The following FAM171A1 variants were observed in gnomAD, a reference collection of about 807,000 sequenced individuals.
FAM171A1 encodes family with sequence similarity 171 member A1.
A neutral mutation model predicts 74.9 loss-of-function variants in FAM171A1; 23 were observed. The observed-to-expected ratio is 0.31, with a 90% CI of 0.22 to 0.44. The LOEUF is 0.44. FAM171A1 is among the 20% of genes least tolerant of loss of function. The probability of loss-of-function intolerance (pLI) is 1.00; values close to 1 mark genes in which losing one functional copy is unlikely to be tolerated. For synonymous variants in FAM171A1, 527 were observed against 505.7 expected (o/e 1.04, Z -0.57); for missense variants, 1,162 against 1,159.2 (o/e 1.00, Z -0.03).
intron 6 of FAM171A1, among the ~76,000 whole-genome samples, chr10:15,218,533 G>A (rs1187217578): frequency 3.3e-5 from 5 of 152,116 alleles, no homozygotes; most frequent in African/African-American, 1.2e-4. Context: ...TAATAAAGGT[G>A]GGTTGTGAGA....
At chr10:15,313,710 C>T (rs1338902672) in intron 1 of FAM171A1, among the ~76,000 whole-genome samples, 2 of 152,082 alleles carry the variant, frequency 1.3e-5, no homozygotes, top group Admixed American at 6.5e-5. Flanking sequence ...ATAAACATCC[C>T]GAGGGTGAAG....
intron 1 of FAM171A1, among the ~76,000 whole-genome samples, chr10:15,331,875 G>A (rs60680727): frequency 0.68 from 28,319 of 41,794 alleles, 7,856 homozygotes; most frequent in East Asian, 0.79. Context: ...ATATGTGTGT[G>A]TATACATATA....
chr10:15,254,729 T>C lies in FAM171A1; in HGVS notation c.569A>G (p.Asn190Ser), dbSNP rs1834554558. 6.2e-6 allele frequency: 10 copies of C among 1,613,882 alleles called. No homozygotes were observed. The highest frequency in any genetic ancestry group is 8.5e-6 in the Non-Finnish European group (10 of 1,179,894). Residue 190 changes from asparagine to serine, a missense_variant, in exon 4 of 8, where the codon AAT becomes AGT. Transcript: ENST00000378116. The stretch of plus-strand genomic sequence containing the variant: ...GAAAAGACTCCAATTACCTGTTCCA[T>C]TTCCGTCTAATCCTCGCAAATAAGG... ...SFPYLRGLDG[N>S]GTGNSTRHDL...
intron 5 of FAM171A1, among the ~76,000 whole-genome samples, chr10:15,236,127 A>G (rs1834285541): frequency 2.0e-5 from 3 of 152,172 alleles, no homozygotes; most frequent in Admixed American, 2.0e-4. Flanking sequence ...CCAAACAATG[A>G]TGTTTCCAAA....
rs1833938309 is a variant in FAM171A1 at position 15,214,324 on chromosome 10, A to G, written c.1264T>C (p.Ser422Pro). 1.2e-6 allele frequency: 2 copies of G among 1,612,632 alleles called. No individual in the cohort carries two copies. The highest frequency in any genetic ancestry group is 1.7e-5 in the Admixed American group (1 of 59,744). The change falls in exon 8 of 8, where the codon TCC becomes CCC. Residue 422 changes from serine (S) to proline (P), a missense_variant. By Grantham distance (74) the Ser-to-Pro change is moderately conservative (BLOSUM62 -1). Coordinates refer to ENST00000378116, the MANE Select transcript of FAM171A1 (RefSeq NM_001010924.2). ...TPMLKLSYST[S>P]QEFSSREELL... ...TCCTCCCGGGAGCTAAATTCCTGGG[A>G]GGTGCTGTAGGAGAGCTTGAGCATG...
intron 1 of FAM171A1, among the ~76,000 whole-genome samples, chr10:15,368,530 T>G (rs1836094011): frequency 6.6e-6 from 1 of 152,188 alleles, no homozygotes; most frequent in Non-Finnish European, 1.5e-5. Context: ...AAAAGCAAGA[T>G]TCTTACAAAT....
intron 3 of FAM171A1, among the ~76,000 whole-genome samples, chr10:15,267,821 C>G (rs1054802601): frequency 2.0e-5 from 3 of 152,002 alleles, no homozygotes; most frequent in African/African-American, 7.2e-5. Context: ...GGCTGGACAG[C>G]CACGACGGAC....
At chr10:15,263,855 CTATCTATCT>C (rs1564626690) in intron 3 of FAM171A1, among the ~76,000 whole-genome samples, 166 of 12,480 alleles carry the variant, frequency 0.013, no homozygotes, top group Middle Eastern at 0.077. Context: ...TCTCATCTAT[CTATCTATCT>C]ATCTATCTAT....
At chr10:15,341,426 A>G (rs1308170815) in intron 1 of FAM171A1, among the ~76,000 whole-genome samples, 2 of 152,224 alleles carry the variant, frequency 1.3e-5, no homozygotes, top group East Asian at 3.8e-4. Context: ...GTTTCGTAAT[A>G]TACATCTTTA....
At chr10:15,353,223 C>T (rs1835899009) in intron 1 of FAM171A1, among the ~76,000 whole-genome samples, 1 of 152,196 alleles carries the variant, frequency 6.6e-6, no homozygotes, top group South Asian at 2.1e-4. Flanking sequence ...CATCTAAAAA[C>T]CAATCACCTC....
chr10:15,284,934 A>T (rs1296578633), intron 1 of FAM171A1, among the ~76,000 whole-genome samples: 2 of 132,406 alleles, frequency 1.5e-5, no homozygotes, highest in Admixed American at 1.5e-4. Context: ...AAAAAGAATA[A>T]AAAAAAAAAA....
chr10:15,215,618 G>A (rs1367435444), intron 7 of FAM171A1, among the ~76,000 whole-genome samples: 3 of 152,016 alleles, frequency 2.0e-5, no homozygotes, highest in Non-Finnish European at 4.4e-5. Context: ...CGCCCACCTC[G>A]GCCTCCTAAA....
chr10:15,252,356 G>C (rs1834520520), intron 4 of FAM171A1, among the ~76,000 whole-genome samples: 1 of 152,130 alleles, frequency 6.6e-6, no homozygotes, highest in Admixed American at 6.5e-5. Flanking sequence ...CAGCCTCTCT[G>C]TTTCCATCCA....
At chr10:15,250,998 C>T (rs972093480) in intron 4 of FAM171A1, among the ~76,000 whole-genome samples, 2 of 152,134 alleles carry the variant, frequency 1.3e-5, no homozygotes, top group African/African-American at 4.8e-5. Flanking sequence ...CCTGCACATT[C>T]CCAGCCCAGG....
chr10:15,283,801 T>C lies in FAM171A1; in HGVS notation c.325+77A>G, dbSNP rs1834999687. 1.2e-5 allele frequency: 18 copies of C among 1,454,758 alleles called. No homozygotes were observed. In the South Asian group the frequency reaches 1.9e-4, roughly 16 times the overall value. 90.1% of individuals were successfully genotyped at this position (1,454,758 alleles called of 1,614,324 possible). ...AGTCTCACTATGTTGCCCAAGCTGGTTTCAGACTCCTGGCCTTATGCGATC... is the reference window on the plus strand; with the variant it reads ...AGTCTCACTATGTTGCCCAAGCTGGCTTCAGACTCCTGGCCTTATGCGATC... On this transcript the variant is annotated intron_variant, in intron 2 of 7. Transcript: ENST00000378116.
intron 1 of FAM171A1, among the ~76,000 whole-genome samples, chr10:15,357,303 T>C (rs893133562): frequency 1.6e-4 from 24 of 151,906 alleles, no homozygotes; most frequent in African/African-American, 5.8e-4. Context: ...AATAAATAAA[T>C]AAACAAACCA....
At chr10:15,346,480 A>G (rs147399873) in intron 1 of FAM171A1, among the ~76,000 whole-genome samples, 39 of 152,330 alleles carry the variant, frequency 2.6e-4, no homozygotes, top group African/African-American at 8.7e-4. Flanking sequence ...AAATGATTAT[A>G]CAGCTCCCGA....
intron 5 of FAM171A1, among the ~76,000 whole-genome samples, chr10:15,222,976 C>T (rs1031047678): frequency 2.0e-5 from 3 of 152,202 alleles, no homozygotes; most frequent in Non-Finnish European, 4.4e-5. Context: ...TGAAGCGCAC[C>T]CTCCTAGAAA....
At chr10:15,334,905 G>T (rs958885303) in intron 1 of FAM171A1, among the ~76,000 whole-genome samples, 2 of 152,178 alleles carry the variant, frequency 1.3e-5, no homozygotes, top group East Asian at 3.8e-4. Flanking sequence ...TTCCCAAAGT[G>T]CCTTCCAAGT....
Sources: gnomAD v4.1 joint callset for allele counts (sites outside exome capture counted in the v4.1 genomes callset) on GRCh38, gnomAD v4.1.1 for gene constraint, MANE v1.5 for transcripts, NCBI Gene and HGNC (gene_info 2026-07-23, HGNC 2026-07-21) for gene names.